Variants in AGTPBP1 observed in about 807,000 individuals in gnomAD.
AGTPBP1 encodes the protein ATP/GTP binding carboxypeptidase 1.
AGTPBP1 carries 70 observed loss-of-function variants against 143.9 expected under a neutral mutation model. The observed-to-expected ratio is 0.49, with a 90% CI of 0.40 to 0.59. The LOEUF (loss-of-function observed/expected upper bound fraction) is 0.59, where lower values mean the gene tolerates loss of function less well. AGTPBP1 is among the 20% of genes least tolerant of loss of function. AGTPBP1 has a pLI of 0.00. For missense variants in AGTPBP1, 1,229 were observed against 1,464.5 expected (o/e 0.84, Z 2.62); for synonymous variants, 463 against 500.2 (o/e 0.93, Z 0.99).
At chr9:85,644,759 GA>G (rs1184923174) in intron 12 of AGTPBP1, among the ~76,000 whole-genome samples, 2 of 151,812 alleles carry the variant, frequency 1.3e-5, no homozygotes, top group African/African-American at 2.4e-5. Context: ...GGAATCACAG[GA>G]AAAAAAGTTA....
intron 4 of AGTPBP1, among the ~76,000 whole-genome samples, chr9:85,678,637 T>C (rs1420894863): frequency 6.6e-6 from 1 of 152,220 alleles, no homozygotes; most frequent in South Asian, 2.1e-4. Context: ...CAATTTGTCA[T>C]TTGAATTCCT....
At position 85,644,699 on chromosome 9, in the gene AGTPBP1, C is replaced by T. The variant is rs78569663; in HGVS notation, c.1185+1622G>A. ...CTGGAGATGAATCTTCTAGAAGCTA[C>T]CAGTTTCTATAAATGCTCCAAACTC... is the stretch of plus-strand genomic sequence containing the variant. On this transcript the variant is annotated intron_variant, in intron 12 of 25. Transcript: ENST00000357081. 4.9e-4 allele frequency among the ~76,000 whole-genome samples: 74 copies of T among 152,142 alleles called. No homozygotes were observed. The East Asian group carries it at 0.014, about 29-fold the overall frequency.
chr9:85,716,372 TC>T (rs967771824), intron 1 of AGTPBP1, among the ~76,000 whole-genome samples: 24 of 152,210 alleles, frequency 1.6e-4, no homozygotes, highest in African/African-American at 5.3e-4. Context: ...TACAGTCTCT[TC>T]CTTGGTGATC....
At chr9:85,701,430 A>G (rs894760158) in intron 2 of AGTPBP1, among the ~76,000 whole-genome samples, 4 of 151,596 alleles carry the variant, frequency 2.6e-5, no homozygotes, top group Admixed American at 2.6e-4. Flanking sequence ...GGGTTTCACC[A>G]TGTTAGCCAG....
chr9:85,678,468 A>C, intron 4 of AGTPBP1, 70 bp from the exon 5 acceptor site: 1 of 971,496 alleles, frequency 1.0e-6, no homozygotes, highest in Non-Finnish European at 1.5e-6. Context: ...ATCCACTGGG[A>C]ACTACCTATA....
At chr9:85,700,918 C>CT (rs796744655) in intron 2 of AGTPBP1, among the ~76,000 whole-genome samples, 4 of 150,168 alleles carry the variant, frequency 2.7e-5, no homozygotes, top group East Asian at 3.9e-4. Context: ...ACACACTATA[C>CT]TTTTTTTTTT....
At chr9:85,575,736 TA>T (rs766777145) in intron 24 of AGTPBP1, among the ~76,000 whole-genome samples, 69 of 152,144 alleles carry the variant, frequency 4.5e-4, no homozygotes, top group Non-Finnish European at 8.1e-4. Context: ...ACCATCACAC[TA>T]GGGGGAAAAA....
chr9:85,580,259 T>A (rs1587672543), intron 23 of AGTPBP1, among the ~76,000 whole-genome samples: 2 of 151,640 alleles, frequency 1.3e-5, no homozygotes, highest in South Asian at 4.2e-4. Flanking sequence ...AAAAGAACTC[T>A]CTCTATATAT....
At chr9:85,675,247 T>A (rs1834753083) in intron 6 of AGTPBP1, among the ~76,000 whole-genome samples, 1 of 152,164 alleles carries the variant, frequency 6.6e-6, no homozygotes, top group South Asian at 2.1e-4. Context: ...ATTATTTTAA[T>A]CTTTGTGCAA....
intron 3 of AGTPBP1, among the ~76,000 whole-genome samples, chr9:85,692,045 C>A (rs1835909363): frequency 6.6e-6 from 1 of 152,024 alleles, no homozygotes; most frequent in African/African-American, 2.4e-5. Context: ...AATAGTAGAG[C>A]CTGAATTTCA....
the AGTPBP1 span, among the ~76,000 whole-genome samples, chr9:85,789,598 T>A: frequency 1.3e-5 from 2 of 152,194 alleles, no homozygotes; most frequent in Non-Finnish European, 2.9e-5. Flanking sequence ...TTGATGAAGG[T>A]GCTTTTGTGC....
rs185643404 is a variant in AGTPBP1, at chr9:85,562,005, T to C, written c.3503+13310A>G. Among the ~76,000 whole-genome samples the C allele has an allele frequency of 2.0e-3, 311 of 152,104 alleles. 1 individual carries two copies. Among genetic ancestry groups the C allele is most frequent in the African/African-American group, 6.2e-3 (259 of 41,484 alleles). On this transcript the variant is annotated intron_variant, in intron 25 of 25. Coordinates refer to ENST00000357081, the MANE Select transcript of AGTPBP1 (RefSeq NM_001330701.2). ...TGCCACCACGCCCAGCTAATTTTCA[T>C]ATTTTTAGTAGAGATGGGGTTTCAC...
intron 14 of AGTPBP1, among the ~76,000 whole-genome samples, chr9:85,625,910 T>TG (rs146559098): frequency 0.028 from 3,023 of 109,712 alleles, 131 homozygotes; most frequent in African/African-American, 0.11. Context: ...TTTTGTTTTT[T>TG]TTTTTTTTTT....
the AGTPBP1 span, among the ~76,000 whole-genome samples, chr9:85,760,414 A>G: frequency 6.6e-6 from 1 of 152,360 alleles, no homozygotes. Context: ...CAAAAAGCTT[A>G]TCCACCATGA....
chr9:85,767,348 ATTT>A, the AGTPBP1 span, among the ~76,000 whole-genome samples: 2,347 of 105,090 alleles, frequency 0.022, 63 homozygotes, highest in African/African-American at 0.078. Context: ...TGCCCAGCTA[ATTT>A]TTTTTTTTTT....
intron 1 of AGTPBP1, among the ~76,000 whole-genome samples, chr9:85,716,646 C>T (rs1837723505): frequency 6.6e-6 from 1 of 152,212 alleles, no homozygotes; most frequent in Non-Finnish European, 1.5e-5. Context: ...CACTTTACCA[C>T]ATCTACCACG....
intron 25 of AGTPBP1, among the ~76,000 whole-genome samples, chr9:85,557,614 T>C (rs1826435137): frequency 6.6e-6 from 1 of 152,210 alleles, no homozygotes; most frequent in Non-Finnish European, 1.5e-5. Flanking sequence ...TTAATTTGCT[T>C]AATTAAATGG....
intron 25 of AGTPBP1, among the ~76,000 whole-genome samples, chr9:85,569,339 T>G (rs1216715138): frequency 6.6e-6 from 1 of 152,096 alleles, no homozygotes; most frequent in African/African-American, 2.4e-5. Flanking sequence ...TTGCACTTAT[T>G]CCTGAAAAGT....
chr9:85,760,458 G>A, the AGTPBP1 span, among the ~76,000 whole-genome samples: 4 of 152,280 alleles, frequency 2.6e-5, no homozygotes, highest in South Asian at 6.2e-4. Flanking sequence ...TGCAAGGCTG[G>A]TTCAACATAC....
Sources: gnomAD v4.1 joint callset for allele counts (sites outside exome capture counted in the v4.1 genomes callset) on GRCh38, gnomAD v4.1.1 for gene constraint, MANE v1.5 for transcripts, NCBI Gene and HGNC (gene_info 2026-07-23, HGNC 2026-07-21) for gene names.